Variants in RBSN observed in about 807,000 individuals in gnomAD.
RBSN encodes the protein rabenosyn-5.
In RBSN, 34 loss-of-function variants were observed where a neutral mutation model predicts 60.5. The observed-to-expected ratio is 0.56, with a 90% CI of 0.43 to 0.75. RBSN has a LOEUF of 0.75. RBSN is among the 30% of genes least tolerant of loss of function. The pLI is 0.00. For missense variants in RBSN, 845 were observed against 986.8 expected (o/e 0.86, Z 1.92); for synonymous variants, 322 against 366.9 (o/e 0.88, Z 1.40).
Position 15,074,145 on chromosome 3 carries a change from G to A in RBSN, c.1992C>T (p.Phe664=), listed in dbSNP as rs373403772. Residue 664 remains phenylalanine (F), a synonymous_variant, in exon 14 of 14, where the codon TTC becomes TTT. Coordinates refer to ENST00000253699, the MANE Select transcript of RBSN (RefSeq NM_022340.4). The surrounding 1 kb of genome is among the most constrained non-coding windows in gnomAD (Gnocchi z 6.4). ...CTTCCTCCTCCTCGTCCTCTTCCTC[G>A]AAAGGATTGTACTCTTTCAGGATGC... The part of the protein sequence containing the change: ...SARILKEYNP[F]EEEDEEEEAV... 7.6e-5 allele frequency: 123 copies of A among 1,613,858 alleles called. No homozygotes were observed. The highest frequency in any genetic ancestry group is 9.4e-5 in the Non-Finnish European group (111 of 1,179,960).
chr3:15,083,100 C>G (rs986969599), intron 8 of RBSN, among the ~76,000 whole-genome samples: 8 of 152,214 alleles, frequency 5.3e-5, no homozygotes, highest in African/African-American at 1.7e-4. Flanking sequence ...GAACCTATGA[C>G]TCTTTGTGGG....
intron 5 of RBSN, among the ~76,000 whole-genome samples, chr3:15,086,847 T>C (rs57714513): frequency 0.087 from 13,168 of 152,208 alleles, 812 homozygotes; most frequent in African/African-American, 0.17. Flanking sequence ...CCAGGACAAA[T>C]GTCTGCAACA....
Position 15,074,088 on chromosome 3 carries a change from G to C in RBSN, c.2049C>G (p.Asp683Glu). The C allele has an allele frequency of 1.2e-6, 2 of 1,614,040 alleles. No homozygotes were observed. The highest frequency in any genetic ancestry group is 1.7e-6 in the Non-Finnish European group (2 of 1,180,006). The change falls in exon 14 of 14, where the codon GAC becomes GAG. Residue 683 changes from aspartate (D) to glutamate (E), a missense_variant. Coordinates refer to ENST00000253699, the MANE Select transcript of RBSN (RefSeq NM_022340.4). This position sits in a 1 kb window ranked among gnomAD's most constrained non-coding sequence, Gnocchi z 6.4. Reference sequence around the variant, plus strand: ...CACTGAAGGGGTTAGGAGCTGGGCTGTCTGGCTGAATGAATGGATTCCCTG... The same window carrying C: ...CACTGAAGGGGTTAGGAGCTGGGCTCTCTGGCTGAATGAATGGATTCCCTG... ...AVAGNPFIQP[D>E]SPAPNPFSEE...
chr3:15,093,461 A>G (rs193231785), intron 4 of RBSN, among the ~76,000 whole-genome samples: 139 of 152,334 alleles, frequency 9.1e-4, no homozygotes, highest in Non-Finnish European at 1.6e-3. Flanking sequence ...TGCTCAGGCT[A>G]GAATGTAACA....
chr3:15,074,067 G>T lies in RBSN; in HGVS notation c.2070C>A (p.Phe690Leu). 1 of 1,614,038 alleles carries T rather than the reference G, an allele frequency of 6.2e-7. No homozygotes were observed. The highest frequency in any genetic ancestry group is 8.5e-7 in the Non-Finnish European group (1 of 1,179,998). The change falls in exon 14 of 14, where the codon TTC becomes TTA. Residue 690 changes from phenylalanine (F) to leucine (L), a missense_variant. Physicochemically the swap from Phe to Leu is conservative, Grantham distance 22 (BLOSUM62 0). Coordinates refer to ENST00000253699, the MANE Select transcript of RBSN (RefSeq NM_022340.4). This position sits in a 1 kb window ranked among gnomAD's most constrained non-coding sequence, Gnocchi z 6.4. Reference protein sequence around the residue: ...IQPDSPAPNPFSEEDEHPQQR... With the variant: ...IQPDSPAPNPLSEEDEHPQQR... Reference sequence around the variant, plus strand: ...GCTGGGGATGTTCGTCTTCCTCACTGAAGGGGTTAGGAGCTGGGCTGTCTG... The same window carrying T: ...GCTGGGGATGTTCGTCTTCCTCACTTAAGGGGTTAGGAGCTGGGCTGTCTG...
chr3:15,079,617 T>G (rs557042713), intron 10 of RBSN, among the ~76,000 whole-genome samples: 9 of 152,338 alleles, frequency 5.9e-5, no homozygotes, highest in African/African-American at 2.2e-4. Flanking sequence ...AATGAAGTAC[T>G]GATACATGCA....
chr3:15,087,243 G>T (rs374549701), intron 5 of RBSN, among the ~76,000 whole-genome samples: 1 of 152,012 alleles, frequency 6.6e-6, no homozygotes, highest in African/African-American at 2.4e-5. Context: ...GGCCAGGTGC[G>T]GTGGCTCATG....
rs1270678773 is a variant in RBSN, at chr3:15,084,527, G to A, written c.598+208C>T. ...TACTATCTGATCCTTTACAAAGTTT[G>A]CCAATCCCTGTTATAGACCACTGTA... is the stretch of plus-strand genomic sequence containing the variant. On this transcript the variant is annotated intron_variant, in intron 8 of 13. Transcript: ENST00000253699. This position sits in a 1 kb window ranked among gnomAD's most constrained non-coding sequence, Gnocchi z 4.2. Among the ~76,000 whole-genome samples, 1 of 152,170 alleles carries A rather than the reference G, an allele frequency of 6.6e-6. No individual in the cohort carries two copies. The highest frequency in any genetic ancestry group is 2.4e-5 in the African/African-American group (1 of 41,418).
intron 12 of RBSN, 71 bp downstream of exon 12, chr3:15,076,991 T>A: frequency 7.6e-7 from 1 of 1,309,332 alleles, no homozygotes; most frequent in Non-Finnish European, 1.1e-6. Flanking sequence ...TTGGCATGGA[T>A]CTGCCTCCTG....
Position 15,095,880 on chromosome 3 carries a change from T to G in RBSN, c.148+93A>C, listed in dbSNP as rs765521073. On this transcript the variant is annotated intron_variant, in intron 4 of 13. Coordinates refer to ENST00000253699, the MANE Select transcript of RBSN (RefSeq NM_022340.4). ...CATCTGTTTGCTACTACTATTATCA[T>G]ATTCCTGTGGCAACACCAAAGCTGA... 8 of 1,549,052 alleles carry G rather than the reference T, an allele frequency of 5.2e-6. No homozygotes were observed. The South Asian group carries it at 6.8e-5, about 13-fold the overall frequency.
At chr3:15,075,264 A>T (rs762108829) in intron 13 of RBSN, 1 of 593,488 alleles carries the variant, frequency 1.7e-6, no homozygotes, top group Non-Finnish European at 3.1e-6. Context: ...ATACACATAT[A>T]ATTTTCTGTT....
intron 9 of RBSN, 182 bp from the exon 10 acceptor site, chr3:15,080,984 A>G (rs1575092716): frequency 6.9e-6 from 4 of 582,546 alleles, no homozygotes; most frequent in Middle Eastern, 7.2e-4. Context: ...GGAAGGAAAG[A>G]AAGTGAGAAT....
chr3:15,075,022 T>C (rs2043019870), intron 13 of RBSN, 92 bp from the exon 14 acceptor site: 2 of 1,407,048 alleles, frequency 1.4e-6, no homozygotes, highest in South Asian at 2.9e-5. Context: ...TCTATCCCTG[T>C]GCCAGTGACA....
chr3:15,075,474 A>G lies in RBSN; in HGVS notation c.1206+132T>C, dbSNP rs1322327398. The G allele has an allele frequency of 3.8e-6, 3 of 792,500 alleles. No individual in the cohort carries two copies. The African/African-American group carries it at 5.1e-5, about 13-fold the overall frequency. 49.1% of individuals were successfully genotyped at this position (792,500 alleles called of 1,614,324 possible). On this transcript the variant is annotated intron_variant, in intron 13 of 13. Transcript: ENST00000253699. ...TAGATGAAAGTGAGGCTGAAACACA[A>G]CAGAAGAAATATGCACATTTGAGAG... is the stretch of plus-strand genomic sequence containing the variant.
intron 9 of RBSN, chr3:15,081,009 G>C: frequency 3.7e-6 from 2 of 543,836 alleles, no homozygotes; most frequent in Non-Finnish European, 6.5e-6. Context: ...CTTCTGATCA[G>C]ATGTTTCGTT....
chr3:15,085,759 A>G, intron 6 of RBSN, 102 bp downstream of exon 6: 1 of 919,242 alleles, frequency 1.1e-6, no homozygotes. Flanking sequence ...TGCCACCATC[A>G]GATGTATATG....
In RBSN at chr3:15,082,230, A is replaced by G. The variant is rs2043220915; in HGVS notation, c.840+137T>C. On this transcript the variant is annotated intron_variant, in intron 9 of 13. Coordinates refer to ENST00000253699, the MANE Select transcript of RBSN (RefSeq NM_022340.4). The surrounding 1 kb of genome is among the most constrained non-coding windows in gnomAD (Gnocchi z 4.2). The stretch of plus-strand genomic sequence containing the variant: ...AGGGCCCTAGCTGGGAAATCATAAC[A>G]TGGGCCTTTAACAGGAACTACAAAT... 3 of 1,183,680 alleles carry G rather than the reference A, an allele frequency of 2.5e-6. No individual in the cohort carries two copies. The highest frequency in any genetic ancestry group is 2.4e-5 in the East Asian group (1 of 40,976). The allele number at this position is 1,183,680 out of a possible 1,614,324, so 73.3% of individuals were successfully genotyped here. A position where few individuals can be genotyped will look rare whatever the true frequency, so the allele number is the denominator to read the frequency against.
rs187769520 is a variant in RBSN at position 15,093,124 on chromosome 3, T to A, written c.149-2585A>T. ...TTTTTGAACTGCCCCCAAAACCTAA[T>A]ACTAAGGTTCACTCTTTTGGCTTTA... is the stretch of plus-strand genomic sequence containing the variant. On this transcript the variant is annotated intron_variant, in intron 4 of 13. Coordinates refer to ENST00000253699, the MANE Select transcript of RBSN (RefSeq NM_022340.4). 1.6e-4 allele frequency among the ~76,000 whole-genome samples: 24 copies of A among 152,318 alleles called. No individual in the cohort carries two copies. In the East Asian group the frequency reaches 3.1e-3, roughly 20 times the overall value.
intron 2 of RBSN, 115 bp from the exon 3 acceptor site, chr3:15,096,825 G>GA (rs919769371): frequency 2.0e-5 from 3 of 152,114 alleles, no homozygotes; most frequent in East Asian, 1.9e-4. Context: ...TAGTCAAAAA[G>GA]AAAAAATCTA....
Sources: allele counts gnomAD v4.1 joint callset (sites outside exome capture counted in the v4.1 genomes callset), GRCh38; gene constraint gnomAD v4.1.1; non-coding constraint Gnocchi (gnomAD v3.1); transcripts MANE v1.5; gene names NCBI Gene and HGNC (gene_info 2026-07-23, HGNC 2026-07-21).